The following NBEAL1 variants were observed in gnomAD, a reference collection of about 807,000 sequenced individuals.
NBEAL1 encodes the protein neurobeachin-like protein 1.
Under a neutral mutation model 351.3 loss-of-function variants are expected in NBEAL1, and 273 were observed. The ratio of observed to expected loss-of-function variants is 0.78; its 90% CI spans 0.70 to 0.86. The LOEUF (loss-of-function observed/expected upper bound fraction) is 0.86. Among genes scored for constraint, NBEAL1 ranks in the 40% least tolerant of loss-of-function variants. The pLI is 0.00. For synonymous variants in NBEAL1, 1,050 were observed against 1,086.4 expected (o/e 0.97, Z 0.66); for missense variants, 2,961 against 3,201.3 (o/e 0.92, Z 1.81).
At chr2:203,084,428 T>C (rs1203361167) in intron 9 of NBEAL1, 35 bp from the exon 10 acceptor site, 1 of 1,212,668 alleles carries the variant, frequency 8.2e-7, no homozygotes, top group East Asian at 2.8e-5. Context: ...CAAATTTTCA[T>C]TTTTACATGG....
intron 17 of NBEAL1, among the ~76,000 whole-genome samples, chr2:203,115,294 A>G (rs891572337): frequency 6.7e-5 from 10 of 149,854 alleles, no homozygotes; most frequent in African/African-American, 2.5e-4. Flanking sequence ...CTAATTTTTT[A>G]GTATTTTTAG....
chr2:203,145,180 A>G lies in NBEAL1; in HGVS notation c.5304+20A>G, dbSNP rs777729089. The G allele has an allele frequency of 2.5e-6, 4 of 1,592,214 alleles. No individual in the cohort carries two copies. The highest frequency in any genetic ancestry group is 1.4e-5 in the African/African-American group (1 of 73,998). The stretch of plus-strand genomic sequence containing the variant: ...TTTCAGGTAAAAAGTAAATGTTTTA[A>G]TATCTAGTTTTTCTTGTTGATTTTA... On this transcript the variant is annotated intron_variant, in intron 33 of 55. Coordinates refer to ENST00000683969, the MANE Select transcript of NBEAL1 (RefSeq NM_001378026.1).
intron 10 of NBEAL1, among the ~76,000 whole-genome samples, chr2:203,090,519 A>G (rs1454047267): frequency 1.3e-5 from 2 of 152,174 alleles, no homozygotes; most frequent in African/African-American, 2.4e-5. Context: ...TTATAGGAAA[A>G]AAGGTAAATA....
chr2:203,062,273 C>T lies in NBEAL1; in HGVS notation c.515+4820C>T, dbSNP rs762028129. The T allele has an allele frequency of 3.9e-5, 18 of 464,532 alleles. No homozygotes were observed. The highest frequency in any genetic ancestry group is 2.8e-4 in the South Asian group (18 of 65,134). 28.8% of individuals were successfully genotyped at this position (464,532 alleles called of 1,614,324 possible). On this transcript the variant is annotated intron_variant, in intron 6 of 55. Transcript: ENST00000683969. The surrounding 1 kb of genome is among the most constrained non-coding windows in gnomAD (Gnocchi z 4.2). Reference sequence around the variant, plus strand: ...ACATTCTGGTCTTCCCATTTGTTTTCTGTAGAAGCCAAATTCCTGAAGGTT... The same window carrying T: ...ACATTCTGGTCTTCCCATTTGTTTTTTGTAGAAGCCAAATTCCTGAAGGTT...
At chr2:203,203,371 C>T (rs983758030) in intron 51 of NBEAL1, among the ~76,000 whole-genome samples, 4 of 151,332 alleles carry the variant, frequency 2.6e-5, no homozygotes, top group Admixed American at 1.3e-4. Context: ...AATGGGGTTT[C>T]GCCATGTTGG....
At chr2:203,107,045 C>T (rs889313457) in intron 12 of NBEAL1, among the ~76,000 whole-genome samples, 1 of 152,164 alleles carries the variant, frequency 6.6e-6, no homozygotes, top group East Asian at 1.9e-4. Flanking sequence ...CTCTTACCTA[C>T]AGTCTCCTCA....
At chr2:203,119,424 C>CTTTTTGTTTTTTT (rs2062776584) in intron 18 of NBEAL1, among the ~76,000 whole-genome samples, 1 of 66,654 alleles carries the variant, frequency 1.5e-5, no homozygotes, top group Non-Finnish European at 2.6e-5. Context: ...CGGCCTGTTG[C>CTTTTTGTTTTTTT]TTTTTTTTTT....
intron 4 of NBEAL1, 31 bp from the exon 5 acceptor site, chr2:203,056,396 T>A: frequency 8.3e-7 from 1 of 1,200,160 alleles, no homozygotes; most frequent in Non-Finnish European, 1.2e-6. Context: ...ACCATTCTTA[T>A]GTAAAAAATT....
chr2:203,058,376 T>C (rs982264750), intron 6 of NBEAL1, among the ~76,000 whole-genome samples: 2 of 152,054 alleles, frequency 1.3e-5, no homozygotes, highest in African/African-American at 2.4e-5. Context: ...TACAAGGAAA[T>C]TGATAAATAT....
intron 6 of NBEAL1, among the ~76,000 whole-genome samples, chr2:203,067,233 C>G (rs928242134): frequency 6.6e-6 from 1 of 152,202 alleles, no homozygotes; most frequent in South Asian, 2.1e-4. Context: ...TGATAATGGT[C>G]TTAATTAAAT....
chr2:203,130,285 G>A (rs971294845), intron 24 of NBEAL1, 33 bp from the exon 25 acceptor site: 15 of 1,498,782 alleles, frequency 1.0e-5, no homozygotes, highest in South Asian at 6.8e-5. Context: ...ATATGAATGT[G>A]GTGGTTTGTT....
At chr2:203,208,978 G>A (rs1044217635) in intron 52 of NBEAL1, among the ~76,000 whole-genome samples, 183 bp from the exon 53 acceptor site, 1 of 152,126 alleles carries the variant, frequency 6.6e-6, no homozygotes, top group African/African-American at 2.4e-5. Context: ...GGACATTCTA[G>A]GAAATAAAAT....
intron 4 of NBEAL1, among the ~76,000 whole-genome samples, chr2:203,051,555 A>T (rs1378228242): frequency 6.6e-6 from 1 of 152,086 alleles, no homozygotes; most frequent in East Asian, 1.9e-4. Context: ...AAAAAAAAAA[A>T]AAAGGTTAAA....
At chr2:203,016,018 T>C (rs961848320) in intron 1 of NBEAL1, 138 bp from the exon 2 acceptor site, 1 of 162,966 alleles carries the variant, frequency 6.1e-6, no homozygotes, top group African/African-American at 2.4e-5. Flanking sequence ...CAAGTTTCTA[T>C]GAAATCTAAT....
intron 5 of NBEAL1, among the ~76,000 whole-genome samples, 177 bp from the exon 6 acceptor site, chr2:203,057,149 G>A (rs1005706359): frequency 1.3e-5 from 2 of 151,968 alleles, no homozygotes; most frequent in African/African-American, 4.8e-5. Flanking sequence ...AAGGTGTTTG[G>A]CTATTTATTT....
chr2:203,160,928 C>T (rs2063936710), intron 36 of NBEAL1, among the ~76,000 whole-genome samples: 1 of 152,130 alleles, frequency 6.6e-6, no homozygotes, highest in South Asian at 2.1e-4. Context: ...TGCTATAGCT[C>T]ATGAGTATAA....
At position 203,116,718 on chromosome 2, in the gene NBEAL1, A is replaced by G. The variant is rs1041754261; in HGVS notation, c.2592+648A>G. Among the ~76,000 whole-genome samples the G allele has an allele frequency of 3.4e-5, 5 of 145,860 alleles. No homozygotes were observed. In the East Asian group the frequency reaches 1.1e-3, roughly 32 times the overall value. On this transcript the variant is annotated intron_variant, in intron 18 of 55. Coordinates refer to ENST00000683969, the MANE Select transcript of NBEAL1 (RefSeq NM_001378026.1). The stretch of plus-strand genomic sequence containing the variant: ...GGCGGGAAGATCCCTTGAGCCCAGG[A>G]GTTTGAGGCTGCAGTGACCTGTGAT...
chr2:203,017,128 A>G (rs930187218), intron 2 of NBEAL1, among the ~76,000 whole-genome samples: 2 of 152,178 alleles, frequency 1.3e-5, no homozygotes, highest in African/African-American at 2.4e-5. Context: ...TTTACTTGAT[A>G]GCTTTGATTT....
At chr2:203,147,313 G>A (rs2063538173) in intron 33 of NBEAL1, among the ~76,000 whole-genome samples, 1 of 152,040 alleles carries the variant, frequency 6.6e-6, no homozygotes, top group Non-Finnish European at 1.5e-5. Context: ...AGGTTAGCAA[G>A]GCTACAGGAC....
Sources: gnomAD v4.1 joint callset for allele counts (sites outside exome capture counted in the v4.1 genomes callset) on GRCh38, gnomAD v4.1.1 for gene constraint, Gnocchi (gnomAD v3.1) non-coding constraint, MANE v1.5 for transcripts, NCBI Gene and HGNC (gene_info 2026-07-23, HGNC 2026-07-21) for gene names.